Variants in MAST4 observed in about 807,000 individuals in gnomAD.
MAST4 encodes the protein microtubule-associated serine/threonine-protein kinase 4.
MAST4 carries 89 observed loss-of-function variants against 162.7 expected under a neutral mutation model. That is an observed-to-expected ratio of 0.55 (90% confidence interval 0.46 to 0.65). The LOEUF (loss-of-function observed/expected upper bound fraction) is 0.65. Ranked by LOEUF, MAST4 falls within the 30% of genes least tolerant of loss-of-function variation. The pLI is 0.00. For missense variants in MAST4, 3,153 were observed against 3,374.0 expected, an observed-to-expected ratio of 0.93 and a Z score of 1.62; for synonymous variants, 1,479 against 1,361.1, an observed-to-expected ratio of 1.09 and a Z score of -1.91.
At chr5:66,896,441 T>C (rs1762687683) in intron 3 of MAST4, among the ~76,000 whole-genome samples, 1 of 152,176 alleles carries the variant, frequency 6.6e-6, no homozygotes, top group Non-Finnish European at 1.5e-5. Flanking sequence ...TTCTATTCTA[T>C]TATTTGGAAG....
chr5:66,740,546 G>A (rs767473320), intron 1 of MAST4, among the ~76,000 whole-genome samples: 66 of 152,182 alleles, frequency 4.3e-4, no homozygotes, highest in Non-Finnish European at 5.3e-4. Context: ...TGTTTGTTCC[G>A]TTTCTCCTTT....
At chr5:67,024,373 A>G (rs2084732818) in intron 4 of MAST4, among the ~76,000 whole-genome samples, 1 of 148,668 alleles carries the variant, frequency 6.7e-6, no homozygotes, top group South Asian at 2.1e-4. Flanking sequence ...ATAGCTATAT[A>G]TGTACACACA....
At chr5:67,098,369 TG>T (rs1200337484) in intron 7 of MAST4, among the ~76,000 whole-genome samples, 5 of 152,182 alleles carry the variant, frequency 3.3e-5, no homozygotes, top group African/African-American at 4.8e-5. Flanking sequence ...AATTAATTTT[TG>T]GACCTTTTCC....
At chr5:66,970,553 A>T (rs1747307539) in intron 4 of MAST4, among the ~76,000 whole-genome samples, 1 of 152,142 alleles carries the variant, frequency 6.6e-6, no homozygotes, top group African/African-American at 2.4e-5. Context: ...TACATGTTCC[A>T]GGCCCAGACA....
intron 3 of MAST4, among the ~76,000 whole-genome samples, chr5:66,791,718 G>A (rs941185842): frequency 1.3e-5 from 2 of 152,186 alleles, no homozygotes; most frequent in Non-Finnish European, 2.9e-5. Flanking sequence ...AAGCCAGAAT[G>A]TGATTAGTCA....
At chr5:67,093,747 C>T (rs1294634754) in intron 6 of MAST4, 5 of 386,650 alleles carry the variant, frequency 1.3e-5, no homozygotes, top group South Asian at 3.8e-5. Flanking sequence ...TAATGCATCA[C>T]AAAACAAAAT....
chr5:66,995,888 T>TACACACACACACACAC (rs34561453), intron 4 of MAST4, among the ~76,000 whole-genome samples: 21 of 147,316 alleles, frequency 1.4e-4, no homozygotes, highest in African/African-American at 5.2e-4. Context: ...CACACTCACA[T>TACACACACACACACAC]ACACACACAC....
chr5:66,827,280 C>T (rs572458452), intron 3 of MAST4, among the ~76,000 whole-genome samples: 48 of 152,286 alleles, frequency 3.2e-4, no homozygotes, highest in African/African-American at 9.1e-4. Flanking sequence ...TACTCCTCCA[C>T]ATATAAGCGA....
intron 4 of MAST4, chr5:66,986,396 T>C (rs751615352): frequency 2.2e-5 from 28 of 1,245,860 alleles, no homozygotes; most frequent in Non-Finnish European, 3.1e-5. Context: ...AAAGAAAATC[T>C]GTAAATGTGC....
At chr5:67,027,409 T>C (rs895179299) in intron 4 of MAST4, among the ~76,000 whole-genome samples, 19 of 152,180 alleles carry the variant, frequency 1.2e-4, no homozygotes, top group African/African-American at 4.3e-4. Context: ...AAATACACGT[T>C]GTGCACATAA....
At chr5:66,608,524 T>C (rs1310409357) in intron 1 of MAST4, among the ~76,000 whole-genome samples, 2 of 152,066 alleles carry the variant, frequency 1.3e-5, no homozygotes, top group Non-Finnish European at 2.9e-5. Flanking sequence ...TTAATTCTTT[T>C]ACACTTATTT....
At chr5:66,940,098 T>G (rs895519755) in intron 4 of MAST4, among the ~76,000 whole-genome samples, 1 of 152,144 alleles carries the variant, frequency 6.6e-6, no homozygotes, top group Non-Finnish European at 1.5e-5. Flanking sequence ...TATATATGTA[T>G]ATATGTATAT....
chr5:66,974,396 C>T (rs1007106248), intron 4 of MAST4, among the ~76,000 whole-genome samples: 1 of 152,154 alleles, frequency 6.6e-6, no homozygotes, highest in African/African-American at 2.4e-5. Flanking sequence ...GATGAGCTGC[C>T]ACTGCTTTTC....
chr5:66,961,384 C>T (rs1378088797), intron 4 of MAST4, among the ~76,000 whole-genome samples: 5 of 152,140 alleles, frequency 3.3e-5, no homozygotes, highest in Non-Finnish European at 7.3e-5. Context: ...GAGTTTATTC[C>T]ATAAGCACTG....
chr5:66,814,048 G>A (rs903605929), intron 3 of MAST4, among the ~76,000 whole-genome samples: 1 of 152,154 alleles, frequency 6.6e-6, no homozygotes, highest in Non-Finnish European at 1.5e-5. Context: ...CTGATCCGGG[G>A]GACCTGTGTG....
chr5:66,794,024 A>G (rs951653303), intron 3 of MAST4, among the ~76,000 whole-genome samples: 2 of 152,240 alleles, frequency 1.3e-5, no homozygotes, highest in African/African-American at 2.4e-5. Flanking sequence ...TGTTGAATGC[A>G]TAAACATATG....
intron 8 of MAST4, among the ~76,000 whole-genome samples, chr5:67,100,801 T>C (rs1764940785): frequency 2.6e-5 from 4 of 152,220 alleles, no homozygotes; most frequent in African/African-American, 9.6e-5. Flanking sequence ...CACAATTTGC[T>C]GATTGCAGCA....
At position 66,844,271 on chromosome 5, in the gene MAST4, A is replaced by G. The variant is rs1227459832; in HGVS notation, c.642+55477A>G. Among the ~76,000 whole-genome samples, 9 of 151,110 alleles carry G rather than the reference A, an allele frequency of 6.0e-5. No individual in the cohort carries two copies. In the East Asian group the frequency reaches 9.8e-4, roughly 16 times the overall value. ...CCTTACCTCCTGGGTTTTCTCAGTT[A>G]TGGACTCCTATGACCTTTTCAGCTT... On this transcript the variant is annotated intron_variant, in intron 3 of 28. Transcript: ENST00000403625.
chr5:66,970,937 G>A (rs1747349796), intron 4 of MAST4, among the ~76,000 whole-genome samples: 1 of 152,218 alleles, frequency 6.6e-6, no homozygotes, highest in African/African-American at 2.4e-5. Flanking sequence ...ATGCTCAAAA[G>A]CACTCCCCTT....
Sources: allele counts gnomAD v4.1 joint callset (sites outside exome capture counted in the v4.1 genomes callset), GRCh38; gene constraint gnomAD v4.1.1; transcripts MANE v1.5; gene names NCBI Gene and HGNC (gene_info 2026-07-23, HGNC 2026-07-21).